Variants in ARHGEF18 observed in about 807,000 individuals in gnomAD.
ARHGEF18 encodes Rho/Rac guanine nucleotide exchange factor 18.
A neutral mutation model predicts 155.7 loss-of-function variants in ARHGEF18; 93 were observed. The observed-to-expected ratio is 0.60, with a 90% confidence interval of 0.50 to 0.71. The LOEUF (loss-of-function observed/expected upper bound fraction) is 0.71, where lower values mean the gene tolerates loss of function less well. ARHGEF18 is among the 30% of genes least tolerant of loss of function. The probability of loss-of-function intolerance (pLI) is 0.00; values close to 1 mark genes in which losing one functional copy is unlikely to be tolerated. For synonymous variants in ARHGEF18, 742 were observed against 753.1 expected, an observed-to-expected ratio of 0.99 and a Z score of 0.24; for missense variants, 1,593 against 1,816.1, an observed-to-expected ratio of 0.88 and a Z score of 2.23.
chr19:7,429,532 G>A (rs7255892), intron 10 of ARHGEF18, among the ~76,000 whole-genome samples: 6,050 of 152,226 alleles, frequency 0.04, 401 homozygotes, highest in African/African-American at 0.14. Flanking sequence ...GAACCCGGGA[G>A]GCGGAGGTTG....
At chr19:7,369,466 A>C (rs1265478026) in intron 2 of ARHGEF18, among the ~76,000 whole-genome samples, 6 of 151,596 alleles carry the variant, frequency 4.0e-5, no homozygotes, top group Admixed American at 6.6e-5. Flanking sequence ...CGTCTCAGGA[A>C]AAAAAAGAAA....
At chr19:7,404,540 A>G (rs10411822) in intron 10 of ARHGEF18, among the ~76,000 whole-genome samples, 4,471 of 148,808 alleles carry the variant, frequency 0.03, 221 homozygotes, top group African/African-American at 0.1. Context: ...GCTCACTGCA[A>G]TCTCCGTCTC....
intron 2 of ARHGEF18, among the ~76,000 whole-genome samples, chr19:7,369,515 T>C (rs975710319): frequency 2.6e-5 from 4 of 151,128 alleles, no homozygotes; most frequent in Non-Finnish European, 5.9e-5. Flanking sequence ...AAACCTAAAA[T>C]TGGCTGGGCA....
chr19:7,470,155 C>T lies in ARHGEF18; in HGVS notation c.3943C>T (p.Pro1315Ser), dbSNP rs1213367463. ...DPGFPAPSPP[P>S]ADSPSEGFSL... ...TGGCTTCCCCGCCCCGAGCCCACCG[C>T]CAGCTGACAGCCCCTCCGAGGGCTT... The change falls in exon 29 of 29, where the codon CCA becomes TCA. Residue 1315 changes from proline to serine, a missense_variant. Pro to Ser is a moderately conservative substitution (Grantham distance 74, BLOSUM62 -1). Coordinates refer to ENST00000668164, the MANE Select transcript of ARHGEF18 (RefSeq NM_001367823.1). This position sits in a 1 kb window ranked among gnomAD's most constrained non-coding sequence, Gnocchi z 5.9. The T allele has an allele frequency of 6.2e-7, 1 of 1,609,810 alleles. No homozygotes were observed. The highest frequency in any genetic ancestry group is 8.5e-7 in the Non-Finnish European group (1 of 1,178,416).
chr19:7,454,505 G>A (rs914258965), intron 17 of ARHGEF18, among the ~76,000 whole-genome samples: 5 of 151,884 alleles, frequency 3.3e-5, no homozygotes, highest in African/African-American at 1.2e-4. Flanking sequence ...GGGAGTGGTG[G>A]CATCCTCTCA....
intron 10 of ARHGEF18, among the ~76,000 whole-genome samples, chr19:7,431,510 CAAAAAAA>C (rs34609858): frequency 1.8e-4 from 9 of 51,294 alleles, no homozygotes; most frequent in South Asian, 1.9e-3. Flanking sequence ...GACTCCATCT[CAAAAAAA>C]AAAAAAAAAA....
intron 10 of ARHGEF18, among the ~76,000 whole-genome samples, chr19:7,437,524 T>C (rs1346477499): frequency 6.6e-6 from 1 of 152,162 alleles, no homozygotes; most frequent in South Asian, 2.1e-4. Context: ...ACCCCATGGT[T>C]TATAACTCCG....
chr19:7,376,482 C>G (rs1042927031), intron 4 of ARHGEF18, among the ~76,000 whole-genome samples, 161 bp from the exon 5 acceptor site: 2 of 152,006 alleles, frequency 1.3e-5, no homozygotes, highest in African/African-American at 4.8e-5. Flanking sequence ...GAACCCATGT[C>G]TTATGGCTGG....
At chr19:7,442,103 C>G (rs778264828) in intron 13 of ARHGEF18, 51 bp downstream of exon 13, 1 of 1,592,718 alleles carries the variant, frequency 6.3e-7, no homozygotes, top group Non-Finnish European at 8.6e-7. Flanking sequence ...ACTCTCTTCT[C>G]TGCTCCCTCC....
At chr19:7,385,864 TCTCTCTCCC>T (rs1971003305) in intron 10 of ARHGEF18, among the ~76,000 whole-genome samples, 1 of 92,030 alleles carries the variant, frequency 1.1e-5, no homozygotes, top group African/African-American at 6.5e-5. Flanking sequence ...TCTCTCTCTC[TCTCTCTCCC>T]CCCTCCCTCT....
the ARHGEF18 span, among the ~76,000 whole-genome samples, chr19:7,478,023 AAAAAC>A: frequency 1.3e-5 from 2 of 152,264 alleles, no homozygotes; most frequent in Non-Finnish European, 2.9e-5. Context: ...CCCTGTCTCA[AAAAAC>A]AAAAAGAAAA....
At chr19:7,423,106 G>A (rs141964464) in intron 10 of ARHGEF18, among the ~76,000 whole-genome samples, 2 of 152,252 alleles carry the variant, frequency 1.3e-5, no homozygotes, top group African/African-American at 2.4e-5. Flanking sequence ...ACAGCTCAGG[G>A]ATTAATAGCC....
Position 7,467,523 on chromosome 19 carries a change from G to T in ARHGEF18, c.3319G>T (p.Ala1107Ser). 7 of 1,438,216 alleles carry T rather than the reference G, an allele frequency of 4.9e-6. No individual in the cohort carries two copies. The highest frequency in any genetic ancestry group is 6.3e-6 in the Non-Finnish European group (7 of 1,107,652). The allele number at this position is 1,438,216 out of a possible 1,614,324, so 89.1% of individuals were successfully genotyped here. The change falls in exon 26 of 29, where the codon GCC (alanine) becomes TCC (serine). Residue 1107 changes from alanine (A) to serine (S), a missense_variant. By Grantham distance (99) the Ala-to-Ser change is moderately conservative. Transcript: ENST00000668164. ...QLRERLEQER[A>S]ELERQRQAYQ... Reference sequence around the variant, plus strand: ...ACGCGAGCGGCTGGAGCAGGAGCGGGCCGAGCTGGAGCGCCAGCGCCAGGC... The same window carrying T: ...ACGCGAGCGGCTGGAGCAGGAGCGGTCCGAGCTGGAGCGCCAGCGCCAGGC...
intron 2 of ARHGEF18, among the ~76,000 whole-genome samples, chr19:7,363,400 G>T (rs1436517223): frequency 6.6e-6 from 1 of 151,972 alleles, no homozygotes; most frequent in Non-Finnish European, 1.5e-5. Flanking sequence ...TGGAAGGAAG[G>T]AGGATGGATG....
chr19:7,426,748 A>G (rs879690181), intron 10 of ARHGEF18, among the ~76,000 whole-genome samples: 6 of 152,162 alleles, frequency 3.9e-5, no homozygotes, highest in Non-Finnish European at 8.8e-5. Flanking sequence ...TAGGATGTGG[A>G]TATTTCCAGC....
chr19:7,350,324 G>T (rs139858238), intron 1 of ARHGEF18, among the ~76,000 whole-genome samples: 5 of 152,142 alleles, frequency 3.3e-5, no homozygotes, highest in Non-Finnish European at 5.9e-5. Context: ...AGGAAGTGAC[G>T]CTGGGGGCTG....
Position 7,453,638 on chromosome 19 carries a change from G to T in ARHGEF18, c.2027G>T (p.Arg676Leu). Reference protein sequence around the residue: ...SSKLKNGLTFRKEDMLQRQLH... With the variant: ...SSKLKNGLTFLKEDMLQRQLH... ...AAACTCAAGAACGGGCTCACCTTCC[G>T]CAAGGAAGACATGCTTCAGCGGCAG... The change falls in exon 17 of 29, where the codon CGC becomes CTC. Residue 676 changes from arginine (R) to leucine (L), a missense_variant. Physicochemically the swap from Arg to Leu is moderately radical, Grantham distance 102. Coordinates refer to ENST00000668164, the MANE Select transcript of ARHGEF18 (RefSeq NM_001367823.1). 6.2e-7 allele frequency: 1 copy of T among 1,611,806 alleles called. No homozygotes were observed. The highest frequency in any genetic ancestry group is 2.2e-5 in the East Asian group (1 of 44,808).
Position 7,355,587 on chromosome 19 carries a change from G to C in ARHGEF18, c.-111+6346G>C, listed in dbSNP as rs58130577. 26,043 of 984,490 alleles carry C rather than the reference G, an allele frequency of 0.026. 4,131 individuals are homozygous for C. In the African/African-American group the frequency reaches 0.37, roughly 14 times the overall value. The allele number at this position is 984,490 out of a possible 1,614,324, so 61.0% of individuals were successfully genotyped here. On this transcript the variant is annotated intron_variant, in intron 1 of 28. Coordinates refer to ENST00000668164, the MANE Select transcript of ARHGEF18 (RefSeq NM_001367823.1). ...GCCCCATCCTGGCAGGGATTCCCAG[G>C]CCAGCTCACACTCAAGCTCTCACAC...
intron 1 of ARHGEF18, 98 bp from the exon 2 acceptor site, chr19:7,362,681 CTG>C (rs1240265135): frequency 4.4e-5 from 49 of 1,118,786 alleles, no homozygotes; most frequent in Admixed American, 3.0e-4. Flanking sequence ...GTTGAGAAAA[CTG>C]AGGTCCAGGG....
Sources: allele counts gnomAD v4.1 joint callset (sites outside exome capture counted in the v4.1 genomes callset), GRCh38; gene constraint gnomAD v4.1.1; non-coding constraint Gnocchi (gnomAD v3.1); transcripts MANE v1.5; gene names NCBI Gene and HGNC (gene_info 2026-07-23, HGNC 2026-07-21).